Variants in TECRL observed in about 807,000 individuals in gnomAD.
TECRL encodes the protein trans-2,3-enoyl-CoA reductase like.
Under a neutral mutation model 52.8 loss-of-function variants are expected in TECRL, and 63 were observed. That is an observed-to-expected ratio of 1.19 (90% CI 0.97 to 1.47). The LOEUF (loss-of-function observed/expected upper bound fraction) is 1.47, where lower values mean the gene tolerates loss of function less well. TECRL is among the 40% of genes most tolerant of loss of function. The pLI, the probability that TECRL is intolerant of heterozygous loss-of-function variation, is 0.00. For missense variants in TECRL, 482 were observed against 429.6 expected, an observed-to-expected ratio of 1.12 and a Z score of -1.08; for synonymous variants, 164 against 141.9, an observed-to-expected ratio of 1.16 and a Z score of -1.10.
chr4:64,381,858 C>CGTGT (rs140317109), intron 1 of TECRL, among the ~76,000 whole-genome samples: 8 of 150,324 alleles, frequency 5.3e-5, no homozygotes, highest in African/African-American at 1.7e-4. Flanking sequence ...GTACTATTTG[C>CGTGT]GTGTGTGTGT....
rs768897078 is a variant in TECRL at position 64,409,388 on chromosome 4, T to G, written c.-37A>C. On this transcript the variant is annotated 5_prime_UTR_variant, in exon 1 of 12. Transcript: ENST00000381210. ...AGAGGAGGGTCTGTCATGTCAAAAG[T>G]AGAAAATTGCAAGTGTGTTCCTTTT... 1 of 1,598,606 alleles carries G rather than the reference T, an allele frequency of 6.3e-7. No homozygotes were observed. The highest frequency in any genetic ancestry group is 1.7e-5 in the Admixed American group (1 of 58,426).
At chr4:64,384,565 AG>A (rs1415962100) in intron 1 of TECRL, among the ~76,000 whole-genome samples, 2 of 152,084 alleles carry the variant, frequency 1.3e-5, no homozygotes, top group Non-Finnish European at 2.9e-5. Flanking sequence ...TCCCATTCTC[AG>A]GCCCCCTAGA....
chr4:64,321,569 ATTT>A (rs1357873674), intron 4 of TECRL, among the ~76,000 whole-genome samples: 206 of 152,242 alleles, frequency 1.4e-3, no homozygotes, highest in African/African-American at 4.5e-3. Context: ...CTGTTTATTA[ATTT>A]TTCACTGCCT....
chr4:64,375,325 A>ATTGTG, intron 1 of TECRL, 102 bp from the exon 2 acceptor site: 3 of 563,492 alleles, frequency 5.3e-6, no homozygotes, highest in South Asian at 2.9e-5. Flanking sequence ...TTCTTACACA[A>ATTGTG]TAAGAATTTT....
At chr4:64,389,032 A>G (rs909835658) in intron 1 of TECRL, among the ~76,000 whole-genome samples, 3 of 151,814 alleles carry the variant, frequency 2.0e-5, no homozygotes, top group Non-Finnish European at 4.4e-5. Context: ...TTCCAGACCA[A>G]TTATTTCAGA....
chr4:64,345,201 G>A (rs1332982743), intron 2 of TECRL, among the ~76,000 whole-genome samples: 1 of 152,090 alleles, frequency 6.6e-6, no homozygotes, highest in African/African-American at 2.4e-5. Context: ...CCATTACTGG[G>A]TATATACCCA....
intron 9 of TECRL, among the ~76,000 whole-genome samples, chr4:64,286,714 A>T (rs1198438884): frequency 6.6e-6 from 1 of 152,116 alleles, no homozygotes; most frequent in African/African-American, 2.4e-5. Context: ...TTAGGTTGGC[A>T]TCTGATTCCT....
At chr4:64,379,644 C>T (rs1266405046) in intron 1 of TECRL, among the ~76,000 whole-genome samples, 5 of 152,104 alleles carry the variant, frequency 3.3e-5, no homozygotes, top group African/African-American at 1.2e-4. Flanking sequence ...CACTGTTGTT[C>T]CCAGCCTCTG....
At chr4:64,305,120 G>C (rs748538464) in intron 7 of TECRL, 46 bp downstream of exon 7, 24 of 1,371,094 alleles carry the variant, frequency 1.8e-5, no homozygotes, top group Non-Finnish European at 2.4e-5. Context: ...AGAGTTTTTA[G>C]GTTGGTCCTT....
chr4:64,291,344 A>C (rs1723375809), intron 8 of TECRL, among the ~76,000 whole-genome samples: 1 of 152,042 alleles, frequency 6.6e-6, no homozygotes, highest in Admixed American at 6.6e-5. Context: ...AATCGTTAGC[A>C]CTACAAAACC....
chr4:64,323,837 A>C (rs1055439987), intron 3 of TECRL, among the ~76,000 whole-genome samples: 1 of 152,200 alleles, frequency 6.6e-6, no homozygotes, highest in East Asian at 1.9e-4. Context: ...CATGAAGAAG[A>C]CTACAGAAAA....
chr4:64,293,545 A>G (rs1723510224), intron 8 of TECRL, among the ~76,000 whole-genome samples: 1 of 152,118 alleles, frequency 6.6e-6, no homozygotes. Context: ...ACTGTTAAGC[A>G]TTGTGTCTTG....
At chr4:64,328,278 A>G (rs914977262) in intron 3 of TECRL, among the ~76,000 whole-genome samples, 12 of 152,030 alleles carry the variant, frequency 7.9e-5, no homozygotes, top group Non-Finnish European at 1.8e-4. Flanking sequence ...TTCACAAACA[A>G]AAATATTTTA....
intron 2 of TECRL, among the ~76,000 whole-genome samples, chr4:64,354,904 G>T (rs1412683288): frequency 2.0e-5 from 3 of 152,142 alleles, no homozygotes; most frequent in Non-Finnish European, 4.4e-5. Flanking sequence ...GTTTTAACTA[G>T]TGAAAAGAAT....
intron 2 of TECRL, among the ~76,000 whole-genome samples, chr4:64,359,993 GAA>G (rs1042129552): frequency 1.3e-5 from 2 of 152,104 alleles, no homozygotes; most frequent in African/African-American, 4.8e-5. Context: ...ACCTTTTAGT[GAA>G]ACTGTCAAGA....
chr4:64,383,295 G>A (rs1420459776), intron 1 of TECRL, among the ~76,000 whole-genome samples: 3 of 151,946 alleles, frequency 2.0e-5, no homozygotes, highest in Non-Finnish European at 2.9e-5. Flanking sequence ...TCCTGTATCT[G>A]GATGTCTATA....
At chr4:64,305,430 A>G (rs1278530330) in intron 6 of TECRL, among the ~76,000 whole-genome samples, 192 bp from the exon 7 acceptor site, 2 of 152,154 alleles carry the variant, frequency 1.3e-5, no homozygotes, top group Admixed American at 6.5e-5. Context: ...ACTTTGCCCA[A>G]TGTAATAGTG....
intron 2 of TECRL, among the ~76,000 whole-genome samples, chr4:64,344,439 C>A (rs954683669): frequency 3.9e-5 from 6 of 151,904 alleles, no homozygotes; most frequent in Non-Finnish European, 8.8e-5. Flanking sequence ...GAAAAAAACA[C>A]AATTTAGGAC....
intron 1 of TECRL, among the ~76,000 whole-genome samples, chr4:64,385,451 G>T (rs1483626382): frequency 1.3e-5 from 2 of 152,136 alleles, no homozygotes; most frequent in Non-Finnish European, 2.9e-5. Context: ...AACTCTCTTT[G>T]TCCTGGCAGC....
Sources: allele counts gnomAD v4.1 joint callset (sites outside exome capture counted in the v4.1 genomes callset), GRCh38; gene constraint gnomAD v4.1.1; transcripts MANE v1.5; gene names NCBI Gene and HGNC (gene_info 2026-07-23, HGNC 2026-07-21).